The following PITPNM3 variants were observed in gnomAD, a reference collection of about 807,000 sequenced individuals.
The protein encoded by PITPNM3 is membrane-associated phosphatidylinositol transfer protein 3.
PITPNM3 carries 26 observed loss-of-function variants against 102.0 expected under a neutral mutation model. The ratio of observed to expected loss-of-function variants is 0.25; its 90% confidence interval spans 0.19 to 0.35. The LOEUF is 0.35. PITPNM3 is among the 10% of genes least tolerant of loss of function. PITPNM3 has a pLI of 1.00. For missense variants in PITPNM3, 1,083 were observed against 1,346.1 expected (o/e 0.80, Z 3.06); for synonymous variants, 578 against 558.6 (o/e 1.03, Z -0.49).
In PITPNM3 at chr17:6,477,112, G is replaced by C; in HGVS notation, c.1002C>G (p.Pro334=). ...DISSGLEDEE[P]KRPLPRKQSD... is the part of the protein sequence containing the mutation. ...TCTGTTTCCGCGGCAACGGCCTCTTGGGCTCCTCATCCTCCAACCCACTGG... is the reference window on the plus strand; with the variant it reads ...TCTGTTTCCGCGGCAACGGCCTCTTCGGCTCCTCATCCTCCAACCCACTGG... The change falls in exon 9 of 20, where the codon CCC becomes CCG. Residue 334 remains proline, a synonymous_variant. Coordinates refer to ENST00000262483, the MANE Select transcript of PITPNM3 (RefSeq NM_031220.4). 6.2e-7 allele frequency: 1 copy of C among 1,614,158 alleles called. No homozygotes were observed. Among genetic ancestry groups the C allele is most frequent in the Non-Finnish European group, 8.5e-7 (1 of 1,180,032 alleles).
In PITPNM3 at chr17:6,455,550, T is replaced by C. The variant is rs1181079421; in HGVS notation, c.2713A>G (p.Lys905Glu). The C allele has an allele frequency of 3.1e-6, 5 of 1,603,486 alleles. No homozygotes were observed. In the African/African-American group the frequency reaches 4.0e-5, roughly 13 times the overall value. ...KKNNSRMILR[K>E]GSFGLHAQPE... is the part of the protein sequence containing the mutation. ...TGCGCGTGCAGCCCGAAGCTGCCCT[T>C]GCGCAGGATCATGCGCGAGTTGTTC... The change falls in exon 20 of 20, where the codon AAG becomes GAG. Residue 905 changes from lysine (K) to glutamate (E), a missense_variant. Around this residue, in one of 5 missense-constraint regions of PITPNM3, gnomAD observed 208 missense variants for 178.2 expected, o/e 1.17. Coordinates refer to ENST00000262483, the MANE Select transcript of PITPNM3 (RefSeq NM_031220.4).
chr17:6,521,113 TAAG>T (rs1403682798), intron 3 of PITPNM3: 1 of 152,190 alleles, frequency 6.6e-6, no homozygotes, highest in Non-Finnish European at 1.5e-5. Flanking sequence ...CCTGTATACT[TAAG>T]AACCGTTAAA....
intron 2 of PITPNM3, among the ~76,000 whole-genome samples, chr17:6,534,418 T>C (rs1909303302): frequency 6.6e-6 from 1 of 152,170 alleles, no homozygotes. Flanking sequence ...TCCTCTCTGC[T>C]CCCAGACCAT....
At chr17:6,496,526 T>C (rs1441398506) in intron 4 of PITPNM3, among the ~76,000 whole-genome samples, 1 of 152,170 alleles carries the variant, frequency 6.6e-6, no homozygotes, top group African/African-American at 2.4e-5. Flanking sequence ...CCACTCTTCC[T>C]GTCCTCTCCA....
intron 3 of PITPNM3, among the ~76,000 whole-genome samples, chr17:6,520,617 T>C (rs945898839): frequency 6.6e-6 from 1 of 152,214 alleles, no homozygotes; most frequent in African/African-American, 2.4e-5. Flanking sequence ...AAGGAGACTT[T>C]GGTTTTATTT....
Position 6,483,666 on chromosome 17 carries a change from G to T in PITPNM3, c.438C>A (p.Asp146Glu). Residue 146 changes from aspartate (D) to glutamate (E), a missense_variant, in exon 6 of 20, where the codon GAC becomes GAA. Physicochemically the swap from Asp to Glu is conservative, Grantham distance 45. Transcript: ENST00000262483. The part of the protein sequence containing the change: ...GGNILDTGAG[D>E]PSCKAADIHT... Reference sequence around the variant, plus strand: ...GGATGTCGGCTGCCTTGCAGGACGGGTCCCCGGCACCCGTGTCCAGGATGT... The same window carrying T: ...GGATGTCGGCTGCCTTGCAGGACGGTTCCCCGGCACCCGTGTCCAGGATGT... 6.2e-7 allele frequency: 1 copy of T among 1,612,758 alleles called. No individual in the cohort carries two copies. Among genetic ancestry groups the T allele is most frequent in the Non-Finnish European group, 8.5e-7 (1 of 1,179,572 alleles).
chr17:6,472,554 C>T lies in PITPNM3; in HGVS notation c.1429+103G>A. The stretch of plus-strand genomic sequence containing the variant: ...GGCTAACCTTCTGTTCTCACAGCCC[C>T]TGCTCAGGTGAGTCACCCTACTCAC... On this transcript the variant is annotated intron_variant, in intron 11 of 19. Coordinates refer to ENST00000262483, the MANE Select transcript of PITPNM3 (RefSeq NM_031220.4). This position sits in a 1 kb window ranked among gnomAD's most constrained non-coding sequence, Gnocchi z 4.1. The T allele has an allele frequency of 7.0e-7, 1 of 1,435,298 alleles. No homozygotes were observed. The highest frequency in any genetic ancestry group is 1.2e-5 in the South Asian group (1 of 80,936). The allele number at this position is 1,435,298 out of a possible 1,614,324, so 88.9% of individuals were successfully genotyped here.
At chr17:6,493,058 CCAAGAGTAGGT>C (rs1253758054) in intron 4 of PITPNM3, among the ~76,000 whole-genome samples, 1 of 152,092 alleles carries the variant, frequency 6.6e-6, no homozygotes, top group African/African-American at 2.4e-5. Context: ...GATCACATGA[CCAAGAGTAGGT>C]CATGTGACCA....
chr17:6,524,390 G>A lies in PITPNM3; in HGVS notation c.226+966C>T, dbSNP rs547419697. Among the ~76,000 whole-genome samples the A allele has an allele frequency of 6.6e-5, 10 of 152,300 alleles. No homozygotes were observed. The South Asian group carries it at 2.1e-3, about 32-fold the overall frequency. ...CAACTTGAGGGTAACAGGTACAGAG[G>A]TTAGCACCCTGCATCCCAGATGTGG... On this transcript the variant is annotated intron_variant, in intron 3 of 19. Coordinates refer to ENST00000262483, the MANE Select transcript of PITPNM3 (RefSeq NM_031220.4).
At chr17:6,509,976 C>G (rs185485905) in intron 3 of PITPNM3, among the ~76,000 whole-genome samples, 1 of 152,072 alleles carries the variant, frequency 6.6e-6, no homozygotes, top group African/African-American at 2.4e-5. Flanking sequence ...TTTACCACCC[C>G]CTAGCTCCAC....
chr17:6,549,977 C>A lies in PITPNM3; in HGVS notation c.22+6408G>T, dbSNP rs186869869. 2.9e-4 allele frequency among the ~76,000 whole-genome samples: 44 copies of A among 152,306 alleles called. 1 individual carries two copies. In the East Asian group the frequency reaches 8.3e-3, roughly 29 times the overall value. Reference sequence around the variant, plus strand: ...ATGCAAGGTCAGAGTTGAGAGGGGGCAAGGCCTCTTCAGGACACAGTAAAA... The same window carrying A: ...ATGCAAGGTCAGAGTTGAGAGGGGGAAAGGCCTCTTCAGGACACAGTAAAA... On this transcript the variant is annotated intron_variant, in intron 1 of 19. Coordinates refer to ENST00000262483, the MANE Select transcript of PITPNM3 (RefSeq NM_031220.4).
chr17:6,541,286 AGTGTGTGT>A (rs113549938), intron 1 of PITPNM3, among the ~76,000 whole-genome samples: 10 of 145,708 alleles, frequency 6.9e-5, no homozygotes, highest in South Asian at 2.2e-4. Context: ...ATATGCTAAG[AGTGTGTGT>A]GTGTGTGTGT....
chr17:6,473,431 G>C (rs1016109856), intron 10 of PITPNM3, among the ~76,000 whole-genome samples: 2 of 152,110 alleles, frequency 1.3e-5, no homozygotes, highest in African/African-American at 2.4e-5. Context: ...GTTCATTAGC[G>C]ACACTGAGGG....
chr17:6,468,795 C>T lies in PITPNM3; in HGVS notation c.1774-454G>A, dbSNP rs76111641. Among the ~76,000 whole-genome samples, 15,178 of 152,176 alleles carry T rather than the reference C, an allele frequency of 0.1. 973 individuals are homozygous for T. The highest frequency in any genetic ancestry group is 0.18 in the African/African-American group (7,363 of 41,492). ...CCTTAGCATTCAAATACGTGTAATA[C>T]TGCCCATCTTAAAAAATACTCTCTC... On this transcript the variant is annotated intron_variant, in intron 13 of 19. Coordinates refer to ENST00000262483, the MANE Select transcript of PITPNM3 (RefSeq NM_031220.4). The surrounding 1 kb of genome is among the most constrained non-coding windows in gnomAD (Gnocchi z 5.2).
chr17:6,473,565 C>T (rs1353390935), intron 10 of PITPNM3, among the ~76,000 whole-genome samples: 1 of 152,198 alleles, frequency 6.6e-6, no homozygotes, highest in East Asian at 1.9e-4. Context: ...TGCCCTGCAG[C>T]CTCAGACGGT....
chr17:6,461,458 G>A lies in PITPNM3; in HGVS notation c.2405C>T (p.Pro802Leu). Residue 802 changes from proline to leucine, a missense_variant, in exon 18 of 20, where the codon CCA becomes CTA. By Grantham distance (98) the Pro-to-Leu change is moderately conservative. Around this residue, in one of 5 missense-constraint regions of PITPNM3, gnomAD observed 410 missense variants for 638.4 expected, o/e 0.64. Coordinates refer to ENST00000262483, the MANE Select transcript of PITPNM3 (RefSeq NM_031220.4). ...ATCGGAGAAGAAGATCATGCCCTGT[G>A]GGAAGTTGTGCTGGGACAGCCACGA... is the stretch of plus-strand genomic sequence containing the variant. ...VVSWLSQHNF[P>L]QGMIFFSDGL... The A allele has an allele frequency of 6.2e-7, 1 of 1,614,146 alleles. No individual in the cohort carries two copies. The highest frequency in any genetic ancestry group is 8.5e-7 in the Non-Finnish European group (1 of 1,179,984).
chr17:6,523,645 A>G (rs1908663258), intron 3 of PITPNM3, among the ~76,000 whole-genome samples: 1 of 152,244 alleles, frequency 6.6e-6, no homozygotes, highest in Non-Finnish European at 1.5e-5. Flanking sequence ...TCAAGGCTAC[A>G]AGCACTATTG....
At position 6,556,517 on chromosome 17, in the gene PITPNM3, G is replaced by T. The variant is rs1362543009; in HGVS notation, c.-111C>A. ...CTCCGAGCGCCGCGCCCGCGCCCCCGCCCCGCTCGCCTCGGCTGCCGCCAC... is the reference window on the plus strand; with the variant it reads ...CTCCGAGCGCCGCGCCCGCGCCCCCTCCCCGCTCGCCTCGGCTGCCGCCAC... On this transcript the variant is annotated 5_prime_UTR_variant, in exon 1 of 20. Coordinates refer to ENST00000262483, the MANE Select transcript of PITPNM3 (RefSeq NM_031220.4). The surrounding 1 kb of genome is among the most constrained non-coding windows in gnomAD (Gnocchi z 5.2). 2.9e-6 allele frequency: 2 copies of T among 699,302 alleles called. No individual in the cohort carries two copies. Among genetic ancestry groups the T allele is most frequent in the Non-Finnish European group, 3.5e-6 (2 of 574,174 alleles). The allele number at this position is 699,302 out of a possible 1,614,324, so 43.3% of individuals were successfully genotyped here.
chr17:6,486,784 A>G (rs916335401), intron 4 of PITPNM3, among the ~76,000 whole-genome samples: 2 of 152,194 alleles, frequency 1.3e-5, no homozygotes, highest in East Asian at 3.8e-4. Context: ...CAACAGTAAC[A>G]GCTCAGCTTT....
Sources: gnomAD v4.1 joint callset for allele counts (sites outside exome capture counted in the v4.1 genomes callset) on GRCh38, gnomAD v4.1.1 for gene constraint, gnomAD v4.1.1 regional missense constraint, Gnocchi (gnomAD v3.1) non-coding constraint, MANE v1.5 for transcripts, NCBI Gene and HGNC (gene_info 2026-07-23, HGNC 2026-07-21) for gene names.